The following ANKRD30B variants were observed in gnomAD, a reference collection of about 807,000 sequenced individuals.
ANKRD30B encodes the protein ankyrin repeat domain-containing protein 30B.
ANKRD30B carries 144 observed loss-of-function variants against 202.2 expected under a neutral mutation model. That is an observed-to-expected ratio of 0.71 (90% CI 0.62 to 0.82). ANKRD30B has a LOEUF of 0.82. Ranked by LOEUF, ANKRD30B falls within the 40% of genes least tolerant of loss-of-function variation. The pLI, the probability that ANKRD30B is intolerant of heterozygous loss-of-function variation, is 0.00. For missense variants in ANKRD30B, 1,487 were observed against 1,669.1 expected (o/e 0.89, Z 1.90); for synonymous variants, 508 against 561.3 (o/e 0.91, Z 1.34).
chr18:14,771,399 AC>A (rs1384553010), intron 8 of ANKRD30B, among the ~76,000 whole-genome samples: 6 of 152,276 alleles, frequency 3.9e-5, no homozygotes, highest in Non-Finnish European at 7.4e-5. Flanking sequence ...GGGTATAAGT[AC>A]CTATGAAGAT....
At chr18:14,918,196 A>G in the ANKRD30B span, among the ~76,000 whole-genome samples, 1 of 152,128 alleles carries the variant, frequency 6.6e-6, no homozygotes, top group Non-Finnish European at 1.5e-5. Context: ...CTTGCCTGGA[A>G]GACTCAGCAG....
Position 14,782,608 on chromosome 18 carries a change from G to C in ANKRD30B, c.1564G>C (p.Val522Leu). The C allele has an allele frequency of 1.3e-6, 2 of 1,566,186 alleles. No individual in the cohort carries two copies. Among genetic ancestry groups the C allele is most frequent in the Non-Finnish European group, 1.7e-6 (2 of 1,160,550 alleles). ...YQKVMEINRE[V>L]EELPEKPSAF... is the part of the protein sequence containing the mutation. ...GAAAGTAATGGAGATAAATAGAGAA[G>C]TAGAAGGTAAGAACAACTTTTTATT... Residue 522 changes from valine (V) to leucine (L), a missense_variant, in exon 12 of 44, where the codon GTA becomes CTA. Physicochemically the swap from Val to Leu is conservative, Grantham distance 32. Around this residue, in one of 6 missense-constraint regions of ANKRD30B, gnomAD observed 889 missense variants for 841.4 expected, o/e 1.06. Transcript: ENST00000690538.
At chr18:14,922,809 A>G in the ANKRD30B span, among the ~76,000 whole-genome samples, 1 of 152,178 alleles carries the variant, frequency 6.6e-6, no homozygotes, top group Non-Finnish European at 1.5e-5. Context: ...GAGTGCTTGC[A>G]CCACTCCTTG....
At chr18:14,861,745 A>G in the ANKRD30B span, among the ~76,000 whole-genome samples, 7 of 152,248 alleles carry the variant, frequency 4.6e-5, no homozygotes, top group South Asian at 1.5e-3. Context: ...GAAAACTAAC[A>G]ATGAAACTGT....
intron 34 of ANKRD30B, among the ~76,000 whole-genome samples, chr18:14,836,503 C>G (rs1036517884): frequency 1.3e-5 from 2 of 152,100 alleles, no homozygotes; most frequent in African/African-American, 4.8e-5. Context: ...AATTAACTCT[C>G]TACCTATAAT....
At chr18:14,905,139 A>T in the ANKRD30B span, among the ~76,000 whole-genome samples, 1 of 152,226 alleles carries the variant, frequency 6.6e-6, no homozygotes, top group Non-Finnish European at 1.5e-5. Context: ...TATGGTCTAA[A>T]ATGGGAGTCA....
chr18:14,796,949 G>C (rs1968943017), intron 18 of ANKRD30B, among the ~76,000 whole-genome samples: 2 of 152,270 alleles, frequency 1.3e-5, no homozygotes, highest in South Asian at 4.1e-4. Context: ...ACAATATAGT[G>C]TGTGCATCGG....
At chr18:14,931,628 C>T in the ANKRD30B span, among the ~76,000 whole-genome samples, 1 of 152,134 alleles carries the variant, frequency 6.6e-6, no homozygotes, top group Non-Finnish European at 1.5e-5. Context: ...GGAAGGGCCT[C>T]AGTGCTCCCT....
intron 4 of ANKRD30B, among the ~76,000 whole-genome samples, chr18:14,756,761 G>A (rs769561192): frequency 2.0e-5 from 3 of 152,120 alleles, no homozygotes; most frequent in African/African-American, 4.8e-5. Context: ...CCATGGTGGC[G>A]CATGCCTGTA....
chr18:14,749,670 C>CAAAAAAAAAAA (rs55960708), intron 1 of ANKRD30B, among the ~76,000 whole-genome samples: 7 of 61,190 alleles, frequency 1.1e-4, no homozygotes, highest in South Asian at 9.5e-4. Flanking sequence ...GACTCTGTCT[C>CAAAAAAAAAAA]AAAAAAAAAA....
At position 14,844,942 on chromosome 18, in the gene ANKRD30B, T is replaced by G. The variant is rs562432777; in HGVS notation, c.3181+1846T>G. Among the ~76,000 whole-genome samples, 381 of 152,150 alleles carry G rather than the reference T, an allele frequency of 2.5e-3. 4 individuals are homozygous for G. Among genetic ancestry groups the G allele is most frequent in the African/African-American group, 8.6e-3 (358 of 41,568 alleles). On this transcript the variant is annotated intron_variant, in intron 39 of 43. Coordinates refer to ENST00000690538, the MANE Select transcript of ANKRD30B (RefSeq NM_001367607.2). ...CTTTTTGATGGGGTTGTTTGATTTT[T>G]TTTTAAAACTTGTTTAAGTTCTTGT...
At chr18:14,934,690 T>C in the ANKRD30B span, among the ~76,000 whole-genome samples, 1 of 152,040 alleles carries the variant, frequency 6.6e-6, no homozygotes, top group Non-Finnish European at 1.5e-5. Context: ...GCATGGACAC[T>C]GAAGCCTGAA....
At chr18:14,927,457 C>T in the ANKRD30B span, among the ~76,000 whole-genome samples, 1,095 of 152,300 alleles carry the variant, frequency 7.2e-3, 7 homozygotes, top group Middle Eastern at 0.024. Context: ...TTCAATGCAT[C>T]TTACTGTGCC....
the ANKRD30B span, among the ~76,000 whole-genome samples, chr18:14,918,155 C>G: frequency 6.6e-6 from 1 of 152,150 alleles, no homozygotes; most frequent in East Asian, 1.9e-4. Flanking sequence ...GGCTGGTTTA[C>G]TTTAGTTCCC....
chr18:14,931,306 G>T, the ANKRD30B span, among the ~76,000 whole-genome samples: 1 of 152,262 alleles, frequency 6.6e-6, no homozygotes, highest in Non-Finnish European at 1.5e-5. Flanking sequence ...CTTACCCAAG[G>T]TCACACACCA....
chr18:14,881,387 T>C, the ANKRD30B span, among the ~76,000 whole-genome samples: 1 of 152,222 alleles, frequency 6.6e-6, no homozygotes, highest in South Asian at 2.1e-4. Context: ...ATCACATTTA[T>C]TGACTTGCAT....
At chr18:14,764,479 C>T (rs59492338) in intron 7 of ANKRD30B, among the ~76,000 whole-genome samples, 2,453 of 152,160 alleles carry the variant, frequency 0.016, 74 homozygotes, top group African/African-American at 0.057. Context: ...CTGCAACCTG[C>T]GTCTCCTGGG....
chr18:14,913,591 G>T, the ANKRD30B span, among the ~76,000 whole-genome samples: 1 of 152,154 alleles, frequency 6.6e-6, no homozygotes, highest in Non-Finnish European at 1.5e-5. Flanking sequence ...TCAGTTAGAG[G>T]CTTATTACGT....
chr18:14,831,448 C>T lies in ANKRD30B; in HGVS notation c.2840C>T (p.Thr947Ile), dbSNP rs866873492. 3 of 1,521,984 alleles carry T rather than the reference C, an allele frequency of 2.0e-6. No homozygotes were observed. Among genetic ancestry groups the T allele is most frequent in the African/African-American group, 2.8e-5 (2 of 71,762 alleles). The allele number at this position is 1,521,984 out of a possible 1,614,324, so 94.3% of individuals were successfully genotyped here. Residue 947 changes from threonine to isoleucine, a missense_variant, in exon 34 of 44, where the codon ACT becomes ATT. By Grantham distance (89) the Thr-to-Ile change is moderately conservative. Transcript: ENST00000690538. ...AAAGTTGAGGAAGACTTTAATCTTA[C>T]TACCAAGGTAAAATAGTCTCTTGTT... ...STKVEEDFNL[T>I]TKEGATKTVT... is the part of the protein sequence containing the mutation.
Sources: gnomAD v4.1 joint callset for allele counts (sites outside exome capture counted in the v4.1 genomes callset) on GRCh38, gnomAD v4.1.1 for gene constraint, gnomAD v4.1.1 regional missense constraint, MANE v1.5 for transcripts, NCBI Gene and HGNC (gene_info 2026-07-23, HGNC 2026-07-21) for gene names.